SLC8A3: variants seen among roughly 807,000 people sequenced by gnomAD.
The protein encoded by SLC8A3 is solute carrier family 8 member A3.
In SLC8A3, 37 loss-of-function variants were observed where a neutral mutation model predicts 65.4. The observed-to-expected ratio is 0.57, with a 90% CI of 0.44 to 0.74. The LOEUF is 0.74. SLC8A3 is among the 30% of genes least tolerant of loss of function. The pLI is 0.00. For missense variants in SLC8A3, 1,112 were observed against 1,172.1 expected (o/e 0.95, Z 0.75); for synonymous variants, 461 against 444.5 (o/e 1.04, Z -0.47).
At chr14:70,126,149 C>G (rs1211964611) in intron 2 of SLC8A3, among the ~76,000 whole-genome samples, 1 of 152,174 alleles carries the variant, frequency 6.6e-6, no homozygotes, top group African/African-American at 2.4e-5. Flanking sequence ...AATGGAAAGC[C>G]TAATGTATTT....
At chr14:70,101,556 A>G (rs1229436335) in intron 2 of SLC8A3, among the ~76,000 whole-genome samples, 1 of 152,132 alleles carries the variant, frequency 6.6e-6, no homozygotes, top group Non-Finnish European at 1.5e-5. Flanking sequence ...TTATTCTAAG[A>G]GCAATGGAAA....
rs1199410400 is a variant in SLC8A3 at position 70,046,860 on chromosome 14, G to A, written c.2390-537C>T. ...CAGGGTGAACTGTGGACTCAAGGAA[G>A]ACGGGGCTCTGTCTTTGTGGTTTAT... On this transcript the variant is annotated intron_variant, in intron 6 of 6. Coordinates refer to ENST00000356921, the MANE Select transcript of SLC8A3 (RefSeq NM_182932.3). This position sits in a 1 kb window ranked among gnomAD's most constrained non-coding sequence, Gnocchi z 4.2. 1.3e-5 allele frequency: 2 copies of A among 154,354 alleles called. No individual in the cohort carries two copies. The highest frequency in any genetic ancestry group is 2.9e-5 in the Non-Finnish European group (2 of 69,396). The allele number at this position is 154,354 out of a possible 1,614,324, so 9.6% of individuals were successfully genotyped here. A position where few individuals can be genotyped will look rare whatever the true frequency, so the allele number is the denominator to read the frequency against.
chr14:70,168,763 G>T (rs79757739), intron 1 of SLC8A3, among the ~76,000 whole-genome samples: 1,546 of 152,254 alleles, frequency 0.01, 31 homozygotes, highest in African/African-American at 0.035. Context: ...CTCCCAAACT[G>T]GTATTACCTG....
At chr14:70,175,055 G>A (rs1041570523) in intron 1 of SLC8A3, among the ~76,000 whole-genome samples, 13 of 151,974 alleles carry the variant, frequency 8.6e-5, no homozygotes, top group Admixed American at 2.0e-4. Flanking sequence ...CTTCTGAACC[G>A]TCTGACAGTT....
chr14:70,083,246 T>A (rs1039963151), intron 2 of SLC8A3, among the ~76,000 whole-genome samples: 1 of 152,210 alleles, frequency 6.6e-6, no homozygotes, highest in Admixed American at 6.5e-5. Flanking sequence ...AGATTTATCA[T>A]CTCCGGAGAG....
intron 2 of SLC8A3, among the ~76,000 whole-genome samples, chr14:70,095,448 G>A (rs979227589): frequency 3.3e-5 from 5 of 152,198 alleles, no homozygotes; most frequent in African/African-American, 1.2e-4. Context: ...CTCCATCTGT[G>A]AAAAGCACAC....
intron 5 of SLC8A3, among the ~76,000 whole-genome samples, chr14:70,049,921 T>C (rs1887283860): frequency 6.6e-6 from 1 of 152,102 alleles, no homozygotes; most frequent in Non-Finnish European, 1.5e-5. Flanking sequence ...GTGGGCAGAG[T>C]TGCCCACTCA....
At position 70,048,396 on chromosome 14, in the gene SLC8A3, G is replaced by A. The variant is rs1887040422; in HGVS notation, c.2389+371C>T. The A allele has an allele frequency of 5.4e-6, 3 of 559,530 alleles. No homozygotes were observed. The South Asian group carries it at 7.3e-5, about 14-fold the overall frequency. 34.7% of individuals were successfully genotyped at this position (559,530 alleles called of 1,614,324 possible). On this transcript the variant is annotated intron_variant, in intron 6 of 6. Coordinates refer to ENST00000356921, the MANE Select transcript of SLC8A3 (RefSeq NM_182932.3). ...GTTTGTGGTCTACTCACATAATGTG[G>A]AGGTTAAGAAATTGGACCACTTACT...
At chr14:70,089,742 C>T (rs1566772132) in intron 2 of SLC8A3, among the ~76,000 whole-genome samples, 1 of 152,094 alleles carries the variant, frequency 6.6e-6, no homozygotes, top group Non-Finnish European at 1.5e-5. Context: ...TTGTGACTTC[C>T]GTTTGCTGTT....
rs751551096 is a variant in SLC8A3 at position 70,051,989 on chromosome 14, C to T, written c.2013+1G>A. On this transcript the variant is annotated splice_donor_variant, in intron 4 of 6. Transcript: ENST00000356921. LOFTEE classifies it high-confidence loss of function. ...CAATTAGACCTCACTGTTTGCCTGA[C>T]CTTGAACTCATAGGACTCTTCAATG... 10 of 1,613,018 alleles carry T rather than the reference C, an allele frequency of 6.2e-6. No individual in the cohort carries two copies. Among genetic ancestry groups the T allele is most frequent in the Admixed American group, 3.3e-5 (2 of 59,882 alleles).
At chr14:70,159,238 G>A (rs577381184) in intron 2 of SLC8A3, among the ~76,000 whole-genome samples, 3 of 152,086 alleles carry the variant, frequency 2.0e-5, no homozygotes, top group Non-Finnish European at 2.9e-5. Context: ...GCAAAACCCC[G>A]TCTCTACTAA....
chr14:70,057,645 G>T, intron 3 of SLC8A3, among the ~76,000 whole-genome samples: 1 of 152,332 alleles, frequency 6.6e-6, no homozygotes, highest in African/African-American at 2.4e-5. Flanking sequence ...GGGTAGGCCA[G>T]CTTTGACTGA....
At chr14:70,067,249 C>A (rs921413337) in intron 2 of SLC8A3, among the ~76,000 whole-genome samples, 5 of 152,190 alleles carry the variant, frequency 3.3e-5, no homozygotes, top group African/African-American at 1.2e-4. Flanking sequence ...ATCACCTCTT[C>A]GGAGAGGCCT....
At chr14:70,113,005 T>G (rs866630008) in intron 2 of SLC8A3, among the ~76,000 whole-genome samples, 2 of 152,400 alleles carry the variant, frequency 1.3e-5, no homozygotes, top group Middle Eastern at 3.4e-3. Flanking sequence ...TAAATAAAAT[T>G]GTATTCTGAG....
At chr14:70,122,765 A>G (rs112723807) in intron 2 of SLC8A3, among the ~76,000 whole-genome samples, 2,020 of 152,216 alleles carry the variant, frequency 0.013, 22 homozygotes, top group Non-Finnish European at 0.018. Flanking sequence ...TTCTGCTCTC[A>G]CTTGTCTATA....
At chr14:70,105,144 G>A (rs1158364488) in intron 2 of SLC8A3, among the ~76,000 whole-genome samples, 2 of 151,894 alleles carry the variant, frequency 1.3e-5, no homozygotes, top group East Asian at 1.9e-4. Context: ...CCTGGCTAAC[G>A]TGGTGAAACC....
chr14:70,048,540 A>G, intron 6 of SLC8A3: 1 of 640,254 alleles, frequency 1.6e-6, no homozygotes, highest in Non-Finnish European at 2.8e-6. Flanking sequence ...TAAATGTGTA[A>G]ATTGCTGAAC....
intron 2 of SLC8A3, among the ~76,000 whole-genome samples, chr14:70,095,880 T>C (rs1406569334): frequency 2.0e-5 from 3 of 151,946 alleles, no homozygotes; most frequent in Non-Finnish European, 4.4e-5. Context: ...TACCCATATA[T>C]CTTCTTTTTT....
Position 70,046,401 on chromosome 14 carries a change from G to A in SLC8A3, c.2390-78C>T. On this transcript the variant is annotated intron_variant, in intron 6 of 6. Transcript: ENST00000356921. This position sits in a 1 kb window ranked among gnomAD's most constrained non-coding sequence, Gnocchi z 4.2. ...GCTTGTCTTCCAGTATGCCCAAAAA[G>A]CAGCTTGAGCTGGTGGGCTGAACCC... The A allele has an allele frequency of 6.9e-7, 1 of 1,445,074 alleles. No individual in the cohort carries two copies. Among genetic ancestry groups the A allele is most frequent in the Admixed American group, 2.2e-5 (1 of 45,148 alleles). 89.5% of individuals were successfully genotyped at this position (1,445,074 alleles called of 1,614,324 possible).
Sources: allele counts gnomAD v4.1 joint callset (sites outside exome capture counted in the v4.1 genomes callset), GRCh38; gene constraint gnomAD v4.1.1; non-coding constraint Gnocchi (gnomAD v3.1); transcripts MANE v1.5; gene names NCBI Gene and HGNC (gene_info 2026-07-23, HGNC 2026-07-21).